The following ARID4B variants were observed in gnomAD, a reference collection of about 807,000 sequenced individuals.
ARID4B encodes AT-rich interaction domain 4B, also known as AT-rich interactive domain-containing protein 4B.
ARID4B carries 26 observed loss-of-function variants against 147.5 expected under a neutral mutation model. The observed-to-expected ratio is 0.18, with a 90% CI of 0.13 to 0.24. The LOEUF (loss-of-function observed/expected upper bound fraction) is 0.24. ARID4B is among the 10% of genes least tolerant of loss of function. The pLI is 1.00. For synonymous variants in ARID4B, 512 were observed against 507.9 expected, an observed-to-expected ratio of 1.01 and a Z score of -0.11; for missense variants, 1,179 against 1,511.5, an observed-to-expected ratio of 0.78 and a Z score of 3.65.
At chr1:235,318,118 G>A (rs1488817605) in intron 2 of ARID4B, among the ~76,000 whole-genome samples, 1 of 149,532 alleles carries the variant, frequency 6.7e-6, no homozygotes, top group African/African-American at 2.5e-5. Context: ...TTCATAAGAT[G>A]GACTATTATT....
At chr1:235,276,444 A>G (rs1278307461) in intron 2 of ARID4B, among the ~76,000 whole-genome samples, 1 of 152,148 alleles carries the variant, frequency 6.6e-6, no homozygotes, top group Non-Finnish European at 1.5e-5. Flanking sequence ...ACAGACTCTT[A>G]CATTTCTACT....
intron 10 of ARID4B, among the ~76,000 whole-genome samples, chr1:235,230,438 AAAC>A (rs1668128410): frequency 4.4e-5 from 5 of 114,386 alleles, no homozygotes; most frequent in Admixed American, 1.7e-4. Flanking sequence ...AAACAAAACA[AAAC>A]AAAAAAAACA....
In ARID4B at chr1:235,177,910, C is replaced by A; in HGVS notation, c.3338G>T (p.Cys1113Phe). Residue 1113 changes from cysteine to phenylalanine, a missense_variant, in exon 21 of 24, where the codon TGT becomes TTT. By Grantham distance (205) the Cys-to-Phe change is radical. Around this residue, in one of 10 missense-constraint regions of ARID4B, gnomAD observed 357 missense variants for 427.3 expected, o/e 0.84. Transcript: ENST00000264183. ...QPEPEHPEKA[C>F]TGQKRVKDAQ... ...ATCTTTCACTCTTTTCTGACCTGTA[C>A]AGGCTATGAAGGGAAAGGAATTAAG... 1 of 1,576,376 alleles carries A rather than the reference C, an allele frequency of 6.3e-7. No homozygotes were observed. The highest frequency in any genetic ancestry group is 8.6e-7 in the Non-Finnish European group (1 of 1,161,178).
intron 17 of ARID4B, among the ~76,000 whole-genome samples, chr1:235,203,720 G>A (rs902619393): frequency 1.3e-5 from 2 of 151,922 alleles, no homozygotes; most frequent in Admixed American, 1.3e-4. Flanking sequence ...CACATCTAAA[G>A]TGGAAATTTG....
In ARID4B at chr1:235,217,891, G is replaced by T. The variant is rs150427135; in HGVS notation, c.1583+1902C>A. Among the ~76,000 whole-genome samples, 369 of 152,288 alleles carry T rather than the reference G, an allele frequency of 2.4e-3. 2 individuals are homozygous for T. The highest frequency in any genetic ancestry group is 8.5e-3 in the African/African-American group (355 of 41,554). On this transcript the variant is annotated intron_variant, in intron 16 of 23. Transcript: ENST00000264183. Reference sequence around the variant, plus strand: ...ATACAGTCCAAGATCCCCAGTGGATGCCTGAAACCGTGGATAGTACCAAAC... The same window carrying T: ...ATACAGTCCAAGATCCCCAGTGGATTCCTGAAACCGTGGATAGTACCAAAC...
At chr1:235,220,592 A>G (rs368756063) in intron 14 of ARID4B, 47 bp from the exon 15 acceptor site, 18 of 1,413,696 alleles carry the variant, frequency 1.3e-5, no homozygotes, top group Non-Finnish European at 1.5e-5. Context: ...ATTTCAAAAT[A>G]TAACTATAGA....
At chr1:235,307,698 G>A (rs1433036477) in intron 2 of ARID4B, among the ~76,000 whole-genome samples, 2 of 152,190 alleles carry the variant, frequency 1.3e-5, no homozygotes. Context: ...AGTCTCTTCA[G>A]GCTATATGGG....
chr1:235,213,385 G>T (rs1571990830), intron 17 of ARID4B, among the ~76,000 whole-genome samples: 1 of 152,278 alleles, frequency 6.6e-6, no homozygotes, highest in Middle Eastern at 3.4e-3. Flanking sequence ...CAGAAGGAAA[G>T]AAATGACTTC....
intron 4 of ARID4B, among the ~76,000 whole-genome samples, chr1:235,256,876 T>G (rs1241215527): frequency 6.6e-6 from 1 of 152,148 alleles, no homozygotes; most frequent in Non-Finnish European, 1.5e-5. Context: ...TCAAGTATTA[T>G]TTAATATTAA....
At chr1:235,285,992 G>A (rs1289610444) in intron 2 of ARID4B, among the ~76,000 whole-genome samples, 1 of 152,018 alleles carries the variant, frequency 6.6e-6, no homozygotes, top group Non-Finnish European at 1.5e-5. Context: ...AATGATATGA[G>A]AGAAAAAATG....
intron 2 of ARID4B, among the ~76,000 whole-genome samples, chr1:235,291,308 T>C (rs1261087574): frequency 6.6e-6 from 1 of 151,890 alleles, no homozygotes; most frequent in Non-Finnish European, 1.5e-5. Flanking sequence ...CTCGGAAGGA[T>C]GAGGCAGGAG....
At chr1:235,170,039 G>A (rs780274936) in intron 23 of ARID4B, among the ~76,000 whole-genome samples, 15 of 151,988 alleles carry the variant, frequency 9.9e-5, no homozygotes, top group African/African-American at 3.6e-4. Flanking sequence ...TCAGTACAGG[G>A]GTAATAGGAT....
At chr1:235,259,768 G>A (rs1340121497) in intron 3 of ARID4B, among the ~76,000 whole-genome samples, 1 of 152,102 alleles carries the variant, frequency 6.6e-6, no homozygotes, top group Non-Finnish European at 1.5e-5. Context: ...CCATGCATAA[G>A]GAATATAGGA....
At chr1:235,235,563 A>G (rs1464335528) in intron 8 of ARID4B, among the ~76,000 whole-genome samples, 1 of 152,130 alleles carries the variant, frequency 6.6e-6, no homozygotes, top group African/African-American at 2.4e-5. Context: ...TATCCCATTC[A>G]CCCATGTATG....
intron 6 of ARID4B, among the ~76,000 whole-genome samples, chr1:235,248,450 A>G (rs1669440274): frequency 6.6e-6 from 1 of 152,230 alleles, no homozygotes; most frequent in Non-Finnish European, 1.5e-5. Context: ...GAGTATTACT[A>G]AATGACTTTA....
chr1:235,287,424 C>T (rs1008437586), intron 2 of ARID4B, among the ~76,000 whole-genome samples: 1 of 152,048 alleles, frequency 6.6e-6, no homozygotes, highest in African/African-American at 2.4e-5. Context: ...AAGGAAATTC[C>T]AGGTGAGGCT....
intron 5 of ARID4B, among the ~76,000 whole-genome samples, chr1:235,254,427 A>G (rs1323409638): frequency 2.0e-5 from 3 of 152,072 alleles, no homozygotes. Context: ...GTTGGAAAAA[A>G]TACATACTAC....
chr1:235,230,647 C>T (rs1312761718), intron 10 of ARID4B, among the ~76,000 whole-genome samples: 3 of 144,006 alleles, frequency 2.1e-5, no homozygotes, highest in Non-Finnish European at 3.0e-5. Context: ...TATGGTTGGG[C>T]GCAGTGGCTC....
Position 235,168,476 on chromosome 1 carries a change from G to T in ARID4B, c.*49C>A, listed in dbSNP as rs749788119. 1.9e-6 allele frequency: 3 copies of T among 1,593,636 alleles called. No homozygotes were observed. The East Asian group carries it at 6.8e-5, about 36-fold the overall frequency. On this transcript the variant is annotated 3_prime_UTR_variant, in exon 24 of 24. Coordinates refer to ENST00000264183, the MANE Select transcript of ARID4B (RefSeq NM_016374.6). ...TGCCACTGTGCAGTATAAAAAAAAAGTGGCCCTCAACAGCCATTAAGTGCA... is the reference window on the plus strand; with the variant it reads ...TGCCACTGTGCAGTATAAAAAAAAATTGGCCCTCAACAGCCATTAAGTGCA...
Sources: allele counts gnomAD v4.1 joint callset (sites outside exome capture counted in the v4.1 genomes callset), GRCh38; gene constraint gnomAD v4.1.1; regional missense constraint gnomAD v4.1.1; transcripts MANE v1.5; gene names NCBI Gene and HGNC (gene_info 2026-07-23, HGNC 2026-07-21).